Variants in PLEKHA5 observed in about 807,000 individuals in gnomAD.
PLEKHA5 encodes the protein pleckstrin homology domain-containing family A member 5.
PLEKHA5 carries 55 observed loss-of-function variants against 181.9 expected under a neutral mutation model. The observed-to-expected ratio is 0.30, with a 90% CI of 0.24 to 0.38. The LOEUF (loss-of-function observed/expected upper bound fraction) is 0.38. Ranked by LOEUF, PLEKHA5 falls within the 10% of genes least tolerant of loss-of-function variation. PLEKHA5 has a pLI of 1.00. For synonymous variants in PLEKHA5, 535 were observed against 529.4 expected, an observed-to-expected ratio of 1.01 and a Z score of -0.15; for missense variants, 1,432 against 1,549.5, an observed-to-expected ratio of 0.92 and a Z score of 1.27.
chr12:19,142,061 A>G (rs1201752689), intron 3 of PLEKHA5, among the ~76,000 whole-genome samples: 1 of 152,158 alleles, frequency 6.6e-6, no homozygotes, highest in Non-Finnish European at 1.5e-5. Context: ...TTGAAGTTGC[A>G]TATTATTAAA....
At chr12:19,143,018 A>T (rs1301610229) in intron 3 of PLEKHA5, among the ~76,000 whole-genome samples, 3 of 152,230 alleles carry the variant, frequency 2.0e-5, no homozygotes, top group East Asian at 3.9e-4. Context: ...TTCTTTATCC[A>T]TTCATCTCTT....
intron 15 of PLEKHA5, chr12:19,306,559 C>T (rs1365147697): frequency 1.3e-6 from 1 of 764,320 alleles, no homozygotes; most frequent in Non-Finnish European, 2.4e-6. Context: ...GCAACACTAC[C>T]ATCGTCCCCA....
intron 15 of PLEKHA5, chr12:19,306,582 C>G (rs978761814): frequency 2.1e-5 from 17 of 806,830 alleles, no homozygotes; most frequent in Admixed American, 3.4e-5. Context: ...ACTGCGGATC[C>G]GGGCCCTAGC....
At chr12:19,239,016 C>G (rs376220964) in intron 3 of PLEKHA5, among the ~76,000 whole-genome samples, 1 of 152,152 alleles carries the variant, frequency 6.6e-6, no homozygotes, top group South Asian at 2.1e-4. Context: ...GAAGTTTAGC[C>G]TAGTAAACTC....
chr12:19,357,088 G>A (rs972692253), intron 26 of PLEKHA5, among the ~76,000 whole-genome samples: 7 of 152,082 alleles, frequency 4.6e-5, no homozygotes, highest in Admixed American at 1.3e-4. Flanking sequence ...AAAACATTAC[G>A]TTTTCATCAA....
chr12:19,321,722 TGTC>T (rs1475359482), intron 18 of PLEKHA5: 1 of 151,974 alleles, frequency 6.6e-6, no homozygotes, highest in Non-Finnish European at 1.5e-5. Flanking sequence ...TGAGTCTTGT[TGTC>T]TGACAAAGAT....
At position 19,319,745 on chromosome 12, in the gene PLEKHA5, G is replaced by T. The variant is rs2638427; in HGVS notation, c.2119-276G>T. On this transcript the variant is annotated intron_variant, in intron 16 of 31. Transcript: ENST00000429027. ...CTGTGATGTTATCTGTGGTATAACT[G>T]ACTGGGATGGCTATTGAAATCTTGC... 771 of 275,914 alleles carry T rather than the reference G, an allele frequency of 2.8e-3. 7 individuals are homozygous for T. Among genetic ancestry groups the T allele is most frequent in the African/African-American group, 0.017 (732 of 43,566 alleles). 17.1% of individuals were successfully genotyped at this position (275,914 alleles called of 1,614,324 possible). A position where few individuals can be genotyped will look rare whatever the true frequency, so the allele number is the denominator to read the frequency against.
intron 18 of PLEKHA5, 68 bp downstream of exon 18, chr12:19,320,692 G>C: frequency 1.4e-6 from 1 of 719,234 alleles, no homozygotes; most frequent in Middle Eastern, 2.5e-4. Flanking sequence ...CTGGAAATAA[G>C]CATGACCAAA....
chr12:19,204,181 G>C (rs1039067029), intron 3 of PLEKHA5, among the ~76,000 whole-genome samples: 12 of 152,000 alleles, frequency 7.9e-5, no homozygotes, highest in Admixed American at 2.0e-4. Context: ...TTATATAGAA[G>C]GGTGATTTAC....
intron 6 of PLEKHA5, among the ~76,000 whole-genome samples, chr12:19,259,540 C>T (rs1404373897): frequency 6.6e-6 from 1 of 151,994 alleles, no homozygotes; most frequent in African/African-American, 2.4e-5. Flanking sequence ...CACCTTAGGA[C>T]AGGAGTTCAA....
At chr12:19,370,990 C>A (rs970390810) in intron 31 of PLEKHA5, 28 of 147,372 alleles carry the variant, frequency 1.9e-4, no homozygotes, top group African/African-American at 6.5e-4. Flanking sequence ...CAAAATATTT[C>A]TTTTATTTTC....
At position 19,320,014 on chromosome 12, in the gene PLEKHA5, C is replaced by A. The variant is rs531469255; in HGVS notation, c.2119-7C>A. ...TAAACCCATCCTTTTCCTTCATTAT[C>A]TTTTAGTTCTTAAGACAGAAGAGCA... On this transcript the variant is annotated splice_region_variant and splice_polypyrimidine_tract_variant and intron_variant, in intron 16 of 31. Transcript: ENST00000429027. 14 of 1,346,912 alleles carry A rather than the reference C, an allele frequency of 1.0e-5. No individual in the cohort carries two copies. In the African/African-American group the frequency reaches 1.8e-4, roughly 17 times the overall value. The allele number at this position is 1,346,912 out of a possible 1,614,324, so 83.4% of individuals were successfully genotyped here. A position where few individuals can be genotyped will look rare whatever the true frequency, so the allele number is the denominator to read the frequency against.
At chr12:19,266,521 T>A (rs2070464553) in intron 8 of PLEKHA5, among the ~76,000 whole-genome samples, 1 of 151,966 alleles carries the variant, frequency 6.6e-6, no homozygotes, top group South Asian at 2.1e-4. Context: ...CAGTGGCTCA[T>A]GCCTGTTATC....
At chr12:19,163,984 TTC>T (rs1293304273) in intron 3 of PLEKHA5, among the ~76,000 whole-genome samples, 1 of 152,158 alleles carries the variant, frequency 6.6e-6, no homozygotes, top group Non-Finnish European at 1.5e-5. Context: ...ACCATTATTC[TTC>T]TCTCTCAAGA....
At position 19,210,929 on chromosome 12, in the gene PLEKHA5, T is replaced by C. The variant is rs939160403; in HGVS notation, c.228-43011T>C. On this transcript the variant is annotated intron_variant, in intron 3 of 31. Coordinates refer to ENST00000429027, the MANE Select transcript of PLEKHA5 (RefSeq NM_001256470.2). The stretch of plus-strand genomic sequence containing the variant: ...AGGAAACAATTTTTTTTTTTATATT[T>C]GAAGAGTTGATCTATTTATAAATTT... Among the ~76,000 whole-genome samples, 53 of 152,258 alleles carry C rather than the reference T, an allele frequency of 3.5e-4. 1 individual carries two copies. The highest frequency in any genetic ancestry group is 5.2e-4 in the Admixed American group (8 of 15,284).
intron 25 of PLEKHA5, among the ~76,000 whole-genome samples, chr12:19,350,127 A>G (rs2094522940): frequency 6.6e-6 from 1 of 152,194 alleles, no homozygotes; most frequent in Non-Finnish European, 1.5e-5. Flanking sequence ...AAAAAATAAC[A>G]GATAGATATA....
At chr12:19,309,527 G>A (rs552732116) in intron 15 of PLEKHA5, among the ~76,000 whole-genome samples, 6 of 152,040 alleles carry the variant, frequency 3.9e-5, no homozygotes, top group South Asian at 2.1e-4. Context: ...AGGCCGAGGC[G>A]GGCGGATCCC....
intron 21 of PLEKHA5, 64 bp from the exon 22 acceptor site, chr12:19,343,259 T>C: frequency 1.2e-6 from 1 of 840,386 alleles, no homozygotes. Flanking sequence ...AATTAATATA[T>C]AATCATTTAA....
Position 19,360,452 on chromosome 12 carries a change from C to T in PLEKHA5, c.3483+906C>T, listed in dbSNP as rs116198736. ...GAAACCCCATATCTACTAAAAAATACAAGAGTTAGCCAGGCACAGTGACAC... is the reference window on the plus strand; with the variant it reads ...GAAACCCCATATCTACTAAAAAATATAAGAGTTAGCCAGGCACAGTGACAC... On this transcript the variant is annotated intron_variant, in intron 28 of 31. Transcript: ENST00000429027. 6.4e-3 allele frequency among the ~76,000 whole-genome samples: 965 copies of T among 151,564 alleles called. 10 individuals carry two copies. The highest frequency in any genetic ancestry group is 0.023 in the African/African-American group (932 of 41,364).
Sources: allele counts gnomAD v4.1 joint callset (sites outside exome capture counted in the v4.1 genomes callset), GRCh38; gene constraint gnomAD v4.1.1; transcripts MANE v1.5; gene names NCBI Gene and HGNC (gene_info 2026-07-23, HGNC 2026-07-21).